The following AUTS2 variants were observed in gnomAD, a reference collection of about 807,000 sequenced individuals.
AUTS2 encodes the protein activator of transcription and developmental regulator AUTS2.
AUTS2 carries 17 observed loss-of-function variants against 112.4 expected under a neutral mutation model. The observed-to-expected ratio is 0.15, with a 90% CI of 0.10 to 0.23. The LOEUF is 0.23. AUTS2 is among the 10% of genes least tolerant of loss of function. The pLI is 1.00. For missense variants in AUTS2, 1,510 were observed against 1,701.6 expected (o/e 0.89, Z 1.98); for synonymous variants, 751 against 702.7 (o/e 1.07, Z -1.09).
intron 1 of AUTS2, among the ~76,000 whole-genome samples, chr7:69,896,297 C>T (rs1018923919): frequency 1.9e-4 from 29 of 152,172 alleles, no homozygotes; most frequent in Admixed American, 7.9e-4. Flanking sequence ...GCTTTGATCT[C>T]GACTTGTCCC....
chr7:70,768,136 T>G, intron 10 of AUTS2, 68 bp downstream of exon 10: 1 of 1,442,682 alleles, frequency 6.9e-7, no homozygotes, highest in South Asian at 1.3e-5. Context: ...TTGCCACAGA[T>G]CAGTCAATGA....
intron 2 of AUTS2, among the ~76,000 whole-genome samples, chr7:70,064,900 G>A (rs1347768941): frequency 6.6e-6 from 1 of 152,118 alleles, no homozygotes; most frequent in Non-Finnish European, 1.5e-5. Flanking sequence ...TACTTTGTCT[G>A]TGGGTTACAT....
At chr7:70,065,953 C>G (rs1393568512) in intron 2 of AUTS2, among the ~76,000 whole-genome samples, 1 of 152,140 alleles carries the variant, frequency 6.6e-6, no homozygotes, top group African/African-American at 2.4e-5. Flanking sequence ...TGCGATTCCC[C>G]TGCCTCAGCC....
At chr7:70,636,109 A>G (rs62456771) in intron 5 of AUTS2, among the ~76,000 whole-genome samples, 5 of 152,218 alleles carry the variant, frequency 3.3e-5, no homozygotes, top group Non-Finnish European at 7.3e-5. Flanking sequence ...CAAATTCTTA[A>G]GAGACCAAAT....
Position 69,771,510 on chromosome 7 carries a change from C to T in AUTS2, c.310-127776C>T, listed in dbSNP as rs918751896. 1.1e-4 allele frequency among the ~76,000 whole-genome samples: 16 copies of T among 152,246 alleles called. 1 individual carries two copies. Among genetic ancestry groups the T allele is most frequent in the South Asian group, 8.3e-4 (4 of 4,820 alleles). ...GTGCAAGTAGATGGTTTCAGTGCAG[C>T]GTGGAAACCTGCAGCAGTAGAAGTG... On this transcript the variant is annotated intron_variant, in intron 1 of 18. Transcript: ENST00000342771.
At chr7:70,174,957 A>G (rs1389169710) in intron 4 of AUTS2, among the ~76,000 whole-genome samples, 1 of 152,160 alleles carries the variant, frequency 6.6e-6, no homozygotes, top group Non-Finnish European at 1.5e-5. Flanking sequence ...TCAACTTTCA[A>G]GTCTCATTAT....
At chr7:70,255,198 C>T (rs987195121) in intron 4 of AUTS2, among the ~76,000 whole-genome samples, 2 of 151,518 alleles carry the variant, frequency 1.3e-5, no homozygotes, top group African/African-American at 2.4e-5. Flanking sequence ...CTCAGCCTCC[C>T]GAGTAGTGGG....
At chr7:70,703,636 T>C (rs1563139722) in intron 6 of AUTS2, among the ~76,000 whole-genome samples, 1 of 152,336 alleles carries the variant, frequency 6.6e-6, no homozygotes, top group East Asian at 1.9e-4. Context: ...GAGACCATTT[T>C]ACAATTCCTC....
chr7:69,634,538 A>C (rs1424231832), intron 1 of AUTS2, among the ~76,000 whole-genome samples: 1 of 152,226 alleles, frequency 6.6e-6, no homozygotes, highest in African/African-American at 2.4e-5. Context: ...GCTAATGAAC[A>C]GTGGCTGTCA....
chr7:70,088,726 C>T (rs573395183), intron 2 of AUTS2, among the ~76,000 whole-genome samples: 1 of 152,116 alleles, frequency 6.6e-6, no homozygotes, highest in African/African-American at 2.4e-5. Flanking sequence ...GATTCTCCTG[C>T]CTCAGCCTCC....
intron 2 of AUTS2, among the ~76,000 whole-genome samples, chr7:70,014,408 A>G (rs1399228984): frequency 6.6e-6 from 1 of 152,252 alleles, no homozygotes; most frequent in African/African-American, 2.4e-5. Flanking sequence ...ACTTAAAAAT[A>G]AAGCTTGCCT....
At chr7:70,616,321 C>G (rs2129535385) in intron 5 of AUTS2, among the ~76,000 whole-genome samples, 1 of 152,336 alleles carries the variant, frequency 6.6e-6, no homozygotes, top group Non-Finnish European at 1.5e-5. Flanking sequence ...AAGCCCCTGG[C>G]TCAGAGCCTC....
chr7:70,552,760 T>G (rs1801066895), intron 5 of AUTS2, among the ~76,000 whole-genome samples: 1 of 152,118 alleles, frequency 6.6e-6, no homozygotes, highest in Non-Finnish European at 1.5e-5. Flanking sequence ...ATCCCCCAAA[T>G]CTGAAGCAGT....
intron 1 of AUTS2, among the ~76,000 whole-genome samples, chr7:69,672,090 ATTCT>A (rs1295597112): frequency 6.6e-6 from 1 of 150,506 alleles, no homozygotes; most frequent in Non-Finnish European, 1.5e-5. Context: ...ATGGAGTTTC[ATTCT>A]TGTTGCTTAG....
At chr7:70,053,948 G>C (rs1801877207) in intron 2 of AUTS2, among the ~76,000 whole-genome samples, 1 of 152,170 alleles carries the variant, frequency 6.6e-6, no homozygotes, top group African/African-American at 2.4e-5. Context: ...TGTGTTCCCA[G>C]CCTCCAAAGA....
chr7:70,582,765 G>C (rs1488478768), intron 5 of AUTS2, among the ~76,000 whole-genome samples: 2 of 152,146 alleles, frequency 1.3e-5, no homozygotes, highest in African/African-American at 2.4e-5. Flanking sequence ...TTTCTACAGA[G>C]AGCCCTTTTC....
intron 2 of AUTS2, among the ~76,000 whole-genome samples, chr7:69,918,332 T>C (rs1005307952): frequency 3.9e-5 from 6 of 152,198 alleles, no homozygotes; most frequent in Non-Finnish European, 7.3e-5. Flanking sequence ...CTTGTATTGG[T>C]GTGGCCATTG....
intron 4 of AUTS2, among the ~76,000 whole-genome samples, chr7:70,381,193 T>A (rs924042325): frequency 6.6e-6 from 1 of 152,204 alleles, no homozygotes; most frequent in African/African-American, 2.4e-5. Flanking sequence ...ATTATATAGC[T>A]ATTTCACCAA....
intron 1 of AUTS2, among the ~76,000 whole-genome samples, chr7:69,640,263 G>T (rs531974408): frequency 6.6e-6 from 1 of 152,186 alleles, no homozygotes; most frequent in Non-Finnish European, 1.5e-5. Context: ...GGCTATAAAA[G>T]AAATAGTGTC....
Sources: gnomAD v4.1 joint callset for allele counts (sites outside exome capture counted in the v4.1 genomes callset) on GRCh38, gnomAD v4.1.1 for gene constraint, MANE v1.5 for transcripts, NCBI Gene and HGNC (gene_info 2026-07-23, HGNC 2026-07-21) for gene names.